Variants in OLA1 observed in about 807,000 individuals in gnomAD.
The protein encoded by OLA1 is Obg like ATPase 1, also known as obg-like ATPase 1.
OLA1 carries 14 observed loss-of-function variants against 48.4 expected under a neutral mutation model. The observed-to-expected ratio is 0.29, with a 90% CI of 0.19 to 0.45. The LOEUF (loss-of-function observed/expected upper bound fraction) is 0.45. Ranked by LOEUF, OLA1 falls within the 20% of genes least tolerant of loss-of-function variation. OLA1 has a pLI of 1.00. For missense variants in OLA1, 325 were observed against 467.1 expected, an observed-to-expected ratio of 0.70 and a Z score of 2.80; for synonymous variants, 127 against 150.4, an observed-to-expected ratio of 0.84 and a Z score of 1.14.
At chr2:174,091,796 C>T (rs1254675586) in intron 7 of OLA1, among the ~76,000 whole-genome samples, 1 of 133,618 alleles carries the variant, frequency 7.5e-6, no homozygotes, top group African/African-American at 2.9e-5. Context: ...TCGCTTAAAC[C>T]TGGGAGGTGG....
At chr2:174,162,605 T>C (rs1000827769) in intron 4 of OLA1, among the ~76,000 whole-genome samples, 13 of 152,232 alleles carry the variant, frequency 8.5e-5, no homozygotes, top group African/African-American at 3.1e-4. Context: ...ACCATGGCAA[T>C]AATATATACG....
At chr2:174,167,977 C>T (rs1574523902) in intron 4 of OLA1, among the ~76,000 whole-genome samples, 1 of 152,134 alleles carries the variant, frequency 6.6e-6, no homozygotes, top group African/African-American at 2.4e-5. Flanking sequence ...AGACAAGATA[C>T]AAAAAGCAGC....
intron 5 of OLA1, among the ~76,000 whole-genome samples, chr2:174,138,789 A>T (rs1222187293): frequency 6.6e-6 from 1 of 152,252 alleles, no homozygotes; most frequent in Non-Finnish European, 1.5e-5. Flanking sequence ...TACCAGTTTT[A>T]AAAATTGCCT....
At chr2:174,199,224 G>A (rs935177350) in intron 4 of OLA1, among the ~76,000 whole-genome samples, 1 of 152,106 alleles carries the variant, frequency 6.6e-6, no homozygotes, top group Admixed American at 6.6e-5. Context: ...TTCAAACTAT[G>A]GTTATTTAAT....
intron 4 of OLA1, among the ~76,000 whole-genome samples, chr2:174,183,736 T>C (rs1687596972): frequency 6.6e-6 from 1 of 152,230 alleles, no homozygotes; most frequent in Non-Finnish European, 1.5e-5. Flanking sequence ...AAAATGTAGA[T>C]AATAGTAGTA....
At chr2:174,237,554 C>T (rs2105462658) in intron 2 of OLA1, among the ~76,000 whole-genome samples, 1 of 152,210 alleles carries the variant, frequency 6.6e-6, no homozygotes, top group Middle Eastern at 3.4e-3. Flanking sequence ...TCAAGACCAG[C>T]CTAGGCAACA....
At chr2:174,111,180 G>A (rs1685639766) in intron 7 of OLA1, among the ~76,000 whole-genome samples, 1 of 152,046 alleles carries the variant, frequency 6.6e-6, no homozygotes, top group South Asian at 2.1e-4. Flanking sequence ...AGGGCTATAA[G>A]GCAACTAACC....
chr2:174,182,322 C>A (rs530251923), intron 4 of OLA1, among the ~76,000 whole-genome samples: 2 of 152,074 alleles, frequency 1.3e-5, no homozygotes, highest in Non-Finnish European at 2.9e-5. Flanking sequence ...GTCGGGAGTT[C>A]GAGATCAGCC....
intron 4 of OLA1, among the ~76,000 whole-genome samples, chr2:174,163,130 A>T (rs1203055192): frequency 6.6e-6 from 1 of 152,208 alleles, no homozygotes; most frequent in Non-Finnish European, 1.5e-5. Context: ...TGTGCAGATG[A>T]TTCCCAGCCC....
At chr2:174,140,135 G>T (rs979052) in intron 5 of OLA1, among the ~76,000 whole-genome samples, 17,503 of 151,954 alleles carry the variant, frequency 0.12, 2,305 homozygotes, top group East Asian at 0.72. Context: ...ACATTTAAAT[G>T]AACAGGAAGA....
intron 4 of OLA1, among the ~76,000 whole-genome samples, chr2:174,187,138 C>T (rs1233314397): frequency 6.6e-6 from 1 of 152,126 alleles, no homozygotes; most frequent in Non-Finnish European, 1.5e-5. Flanking sequence ...AAATTTAAGA[C>T]ACTCTATTCA....
intron 7 of OLA1, among the ~76,000 whole-genome samples, chr2:174,085,431 G>A (rs141167552): frequency 6.6e-6 from 1 of 152,102 alleles, no homozygotes; most frequent in African/African-American, 2.4e-5. Context: ...CAGGTTGTGC[G>A]CTCCTTACAA....
chr2:174,145,178 T>C (rs1180489588), intron 4 of OLA1, among the ~76,000 whole-genome samples: 1 of 151,532 alleles, frequency 6.6e-6, no homozygotes, highest in African/African-American at 2.4e-5. Context: ...CAAAATTCTT[T>C]CAGTGATTGG....
chr2:174,234,204 C>T (rs1455422747), intron 2 of OLA1, among the ~76,000 whole-genome samples: 1 of 152,162 alleles, frequency 6.6e-6, no homozygotes, highest in Non-Finnish European at 1.5e-5. Context: ...ATAGTAGCTA[C>T]GTTTTCTCTT....
chr2:174,238,019 T>C (rs189946959), intron 2 of OLA1, among the ~76,000 whole-genome samples: 2 of 152,338 alleles, frequency 1.3e-5, no homozygotes, highest in African/African-American at 4.8e-5. Context: ...AGTCAGTCAT[T>C]GACCAACATC....
intron 4 of OLA1, among the ~76,000 whole-genome samples, chr2:174,146,363 A>T (rs1334869559): frequency 6.6e-6 from 1 of 152,218 alleles, no homozygotes; most frequent in Non-Finnish European, 1.5e-5. Flanking sequence ...AGGAGGCAAG[A>T]ATGACTGCAG....
At chr2:174,234,150 G>A (rs554155338) in intron 2 of OLA1, among the ~76,000 whole-genome samples, 1 of 152,090 alleles carries the variant, frequency 6.6e-6, no homozygotes, top group East Asian at 1.9e-4. Flanking sequence ...CACTCAACAT[G>A]AAGACAACAA....
intron 2 of OLA1, among the ~76,000 whole-genome samples, chr2:174,240,994 G>C (rs1688987081): frequency 6.6e-6 from 1 of 152,150 alleles, no homozygotes; most frequent in African/African-American, 2.4e-5. Context: ...TCTCTGGGCT[G>C]GTGTCATGAC....
chr2:174,217,719 C>A (rs1220156944), intron 4 of OLA1, among the ~76,000 whole-genome samples: 4 of 152,092 alleles, frequency 2.6e-5, no homozygotes, highest in Non-Finnish European at 5.9e-5. Context: ...CTACCGTGAT[C>A]TGCTTTCTAA....
Sources: allele counts gnomAD v4.1 joint callset (sites outside exome capture counted in the v4.1 genomes callset), GRCh38; gene constraint gnomAD v4.1.1; transcripts MANE v1.5; gene names NCBI Gene and HGNC (gene_info 2026-07-23, HGNC 2026-07-21).